Variants in LTBP1 observed in about 807,000 individuals in gnomAD.
LTBP1 encodes the protein latent transforming growth factor beta binding protein 1, also known as latent-transforming growth factor beta-binding protein 1.
Under a neutral mutation model 207.6 loss-of-function variants are expected in LTBP1, and 129 were observed. That is an observed-to-expected ratio of 0.62 (90% CI 0.54 to 0.72). LTBP1 has a LOEUF of 0.72. Ranked by LOEUF, LTBP1 falls within the 30% of genes least tolerant of loss-of-function variation. The pLI, the probability that LTBP1 is intolerant of heterozygous loss-of-function variation, is 0.00. For synonymous variants in LTBP1, 963 were observed against 833.7 expected, an observed-to-expected ratio of 1.16 and a Z score of -2.67; for missense variants, 2,281 against 2,217.2, an observed-to-expected ratio of 1.03 and a Z score of -0.58.
At chr2:33,359,405 A>T (rs1414521732) in intron 26 of LTBP1, among the ~76,000 whole-genome samples, 1 of 152,218 alleles carries the variant, frequency 6.6e-6, no homozygotes, top group East Asian at 1.9e-4. Context: ...CCCTGCAAAA[A>T]TAAACATATA....
intron 4 of LTBP1, among the ~76,000 whole-genome samples, chr2:33,118,872 A>G (rs1433032090): frequency 1.3e-5 from 2 of 152,198 alleles, no homozygotes; most frequent in African/African-American, 4.8e-5. Flanking sequence ...TTGCCCCCTG[A>G]TAGGCCACAC....
At chr2:33,245,510 C>G (rs1310537017) in intron 10 of LTBP1, among the ~76,000 whole-genome samples, 1 of 152,168 alleles carries the variant, frequency 6.6e-6, no homozygotes, top group African/African-American at 2.4e-5. Flanking sequence ...GTCCTCTTTT[C>G]TGTGTTCTTT....
intron 31 of LTBP1, among the ~76,000 whole-genome samples, 189 bp downstream of exon 31, chr2:33,365,692 A>G (rs1447726385): frequency 6.6e-6 from 1 of 150,830 alleles, no homozygotes; most frequent in East Asian, 1.9e-4. Context: ...GTTTACCTCT[A>G]CTCCCGACCC....
At chr2:33,114,450 A>G (rs541663060) in intron 4 of LTBP1, among the ~76,000 whole-genome samples, 4 of 152,290 alleles carry the variant, frequency 2.6e-5, no homozygotes, top group African/African-American at 7.2e-5. Flanking sequence ...CAGTCTCTCA[A>G]TCCACTGAAA....
chr2:33,331,491 C>T (rs2094493501), intron 24 of LTBP1, among the ~76,000 whole-genome samples: 1 of 151,966 alleles, frequency 6.6e-6, no homozygotes, highest in Non-Finnish European at 1.5e-5. Flanking sequence ...AGAAGTATTT[C>T]ACTTAATATC....
intron 3 of LTBP1, among the ~76,000 whole-genome samples, chr2:33,034,498 A>C (rs189147954): frequency 1.2e-4 from 19 of 152,284 alleles, no homozygotes; most frequent in Admixed American, 1.1e-3. Context: ...TTTAAAATCT[A>C]TAAGGATCAG....
chr2:33,075,339 T>C (rs936708293), intron 3 of LTBP1, among the ~76,000 whole-genome samples: 2 of 152,188 alleles, frequency 1.3e-5, no homozygotes, highest in African/African-American at 4.8e-5. Context: ...TAAAAATATT[T>C]TTTGGGGGGC....
Position 33,389,507 on chromosome 2 carries a change from C to T in LTBP1, c.4834+201C>T, listed in dbSNP as rs1019137439. 3.3e-5 allele frequency among the ~76,000 whole-genome samples: 5 copies of T among 151,088 alleles called. No individual in the cohort carries two copies. The East Asian group carries it at 9.9e-4, about 30-fold the overall frequency. Reference sequence around the variant, plus strand: ...TCTGCGTGGGTGAGTCTAAGAACCACTGCATCATTCGTGAGCCGAGATCAC... The same window carrying T: ...TCTGCGTGGGTGAGTCTAAGAACCATTGCATCATTCGTGAGCCGAGATCAC... On this transcript the variant is annotated intron_variant, in intron 32 of 33. Transcript: ENST00000404816.
In LTBP1 at chr2:33,110,694, A is replaced by T. The variant is rs1363421964; in HGVS notation, c.976A>T (p.Thr326Ser). 1.2e-6 allele frequency: 2 copies of T among 1,614,198 alleles called. No individual in the cohort carries two copies. Among genetic ancestry groups the T allele is most frequent in the South Asian group, 1.1e-5 (1 of 91,080 alleles). Residue 326 changes from threonine (T) to serine (S), a missense_variant, in exon 4 of 34, where the codon ACT becomes TCT. Thr to Ser is a moderately conservative substitution (Grantham distance 58). Transcript: ENST00000404816. ...AQKGISGEQS[T>S]EGSFPLRYVQ... Reference sequence around the variant, plus strand: ...GAAGGGGATTTCAGGAGAGCAGTCCACTGAAGGTTCTTTCCCTTTAAGATA... The same window carrying T: ...GAAGGGGATTTCAGGAGAGCAGTCCTCTGAAGGTTCTTTCCCTTTAAGATA...
intron 4 of LTBP1, among the ~76,000 whole-genome samples, chr2:33,123,319 T>C (rs1372994074): frequency 6.6e-6 from 1 of 152,134 alleles, no homozygotes. Flanking sequence ...TCACCTTCAG[T>C]CAGTGAGTGT....
At chr2:33,101,013 T>G (rs1029744484) in intron 3 of LTBP1, among the ~76,000 whole-genome samples, 1 of 152,216 alleles carries the variant, frequency 6.6e-6, no homozygotes, top group Admixed American at 6.5e-5. Context: ...CAGTGGAACA[T>G]AAGTATGTTT....
intron 2 of LTBP1, among the ~76,000 whole-genome samples, chr2:32,954,765 C>T (rs1016437436): frequency 6.6e-6 from 1 of 152,072 alleles, no homozygotes; most frequent in Non-Finnish European, 1.5e-5. Context: ...TCCTGGGGCA[C>T]TTGGGAACCC....
chr2:32,999,945 C>T (rs1685848927), intron 2 of LTBP1, among the ~76,000 whole-genome samples: 1 of 134,672 alleles, frequency 7.4e-6, no homozygotes, highest in Admixed American at 7.6e-5. Flanking sequence ...CACCAGGCCA[C>T]AGTGCTTCTC....
intron 31 of LTBP1, among the ~76,000 whole-genome samples, chr2:33,377,922 C>T (rs1479348637): frequency 6.6e-6 from 1 of 152,158 alleles, no homozygotes; most frequent in Non-Finnish European, 1.5e-5. Context: ...ATCATGAGAA[C>T]AGCGTGGGGG....
At chr2:33,305,096 C>T (rs537313870) in intron 22 of LTBP1, among the ~76,000 whole-genome samples, 1 of 152,106 alleles carries the variant, frequency 6.6e-6, no homozygotes, top group East Asian at 1.9e-4. Flanking sequence ...AGGTGGATCA[C>T]GAGGTCAGGA....
At chr2:33,228,021 T>C (rs181818557) in intron 9 of LTBP1, among the ~76,000 whole-genome samples, 120 of 151,982 alleles carry the variant, frequency 7.9e-4, no homozygotes, top group African/African-American at 1.6e-3. Flanking sequence ...TGGCCAGGAA[T>C]GTCTTGATCT....
At chr2:33,081,298 T>A (rs1369752308) in intron 3 of LTBP1, among the ~76,000 whole-genome samples, 1 of 152,158 alleles carries the variant, frequency 6.6e-6, no homozygotes, top group Non-Finnish European at 1.5e-5. Flanking sequence ...GCTGTTTTTT[T>A]AAATGTCAAG....
chr2:33,320,196 C>T (rs563312159), intron 24 of LTBP1, among the ~76,000 whole-genome samples: 3 of 152,054 alleles, frequency 2.0e-5, no homozygotes, highest in Non-Finnish European at 4.4e-5. Flanking sequence ...TGGTGAAACC[C>T]TGTCTCTACT....
chr2:33,204,943 A>G (rs2089715878), intron 7 of LTBP1, among the ~76,000 whole-genome samples: 1 of 152,218 alleles, frequency 6.6e-6, no homozygotes, highest in African/African-American at 2.4e-5. Flanking sequence ...TAGCAAATTC[A>G]TCATATCTTG....
Sources: allele counts gnomAD v4.1 joint callset (sites outside exome capture counted in the v4.1 genomes callset), GRCh38; gene constraint gnomAD v4.1.1; transcripts MANE v1.5; gene names NCBI Gene and HGNC (gene_info 2026-07-23, HGNC 2026-07-21).